The following PRKCH variants were observed in gnomAD, a reference collection of about 807,000 sequenced individuals.
PRKCH encodes the protein protein kinase C eta.
In PRKCH, 28 loss-of-function variants were observed where a neutral mutation model predicts 82.5. The ratio of observed to expected loss-of-function variants is 0.34; its 90% CI spans 0.25 to 0.47. The LOEUF (loss-of-function observed/expected upper bound fraction) is 0.47, where lower values mean the gene tolerates loss of function less well. Ranked by LOEUF, PRKCH falls within the 20% of genes least tolerant of loss-of-function variation. The pLI is 1.00. For synonymous variants in PRKCH, 322 were observed against 327.4 expected, an observed-to-expected ratio of 0.98 and a Z score of 0.18; for missense variants, 705 against 881.8, an observed-to-expected ratio of 0.80 and a Z score of 2.54.
intron 1 of PRKCH, among the ~76,000 whole-genome samples, chr14:61,311,727 G>T (rs1376412501): frequency 1.3e-5 from 2 of 152,210 alleles, no homozygotes; most frequent in African/African-American, 4.8e-5. Flanking sequence ...CACATGGCTG[G>T]GGAGACCTCA....
intron 2 of PRKCH, among the ~76,000 whole-genome samples, chr14:61,431,698 G>T (rs745450768): frequency 1.8e-4 from 27 of 152,244 alleles, no homozygotes; most frequent in Middle Eastern, 3.4e-3. Context: ...AGTAAATGCT[G>T]TTTGTTGGTT....
chr14:61,323,809 A>G (rs1389325223), intron 1 of PRKCH, among the ~76,000 whole-genome samples: 1 of 152,242 alleles, frequency 6.6e-6, no homozygotes, highest in African/African-American at 2.4e-5. Context: ...ATTTACATTT[A>G]TCCTGTGAAT....
At chr14:61,420,836 A>G (rs1882800221) in intron 2 of PRKCH, among the ~76,000 whole-genome samples, 1 of 152,120 alleles carries the variant, frequency 6.6e-6, no homozygotes, top group Non-Finnish European at 1.5e-5. Context: ...GTCAGTTGCA[A>G]TATCTCTCTA....
At chr14:61,314,408 A>G (rs2045546436) in intron 1 of PRKCH, among the ~76,000 whole-genome samples, 1 of 152,214 alleles carries the variant, frequency 6.6e-6, no homozygotes, top group Non-Finnish European at 1.5e-5. Flanking sequence ...TTAGCCATAG[A>G]AGAGATTTGT....
At chr14:61,371,565 T>A (rs1594954491) in intron 1 of PRKCH, among the ~76,000 whole-genome samples, 1 of 152,052 alleles carries the variant, frequency 6.6e-6, no homozygotes, top group Non-Finnish European at 1.5e-5. Flanking sequence ...TCAAGGGTTT[T>A]GGGAGGAAGA....
chr14:61,485,957 G>A (rs963766944), intron 10 of PRKCH, among the ~76,000 whole-genome samples: 8 of 152,074 alleles, frequency 5.3e-5, no homozygotes, highest in African/African-American at 1.9e-4. Flanking sequence ...TGTAGAGACA[G>A]GGGTCTTGCA....
intron 1 of PRKCH, among the ~76,000 whole-genome samples, chr14:61,214,420 G>A (rs1243896889): frequency 6.6e-6 from 1 of 151,892 alleles, no homozygotes; most frequent in Non-Finnish European, 1.5e-5. Flanking sequence ...GCTGTATGAG[G>A]ACCCTCTACA....
chr14:61,335,190 G>C (rs1026249265), intron 1 of PRKCH, among the ~76,000 whole-genome samples: 1 of 152,078 alleles, frequency 6.6e-6, no homozygotes, highest in Non-Finnish European at 1.5e-5. Flanking sequence ...GAGGGTGGTG[G>C]TATGAAAGTT....
chr14:61,217,292 C>T (rs980364772), intron 1 of PRKCH, among the ~76,000 whole-genome samples: 1 of 151,962 alleles, frequency 6.6e-6, no homozygotes, highest in African/African-American at 2.4e-5. Context: ...ACAGGGGAGG[C>T]TAAGGCAGGA....
chr14:61,518,628 C>A lies in PRKCH; in HGVS notation c.1434-10447C>A, dbSNP rs141214815. 7.7e-3 allele frequency among the ~76,000 whole-genome samples: 1,169 copies of A among 152,086 alleles called. 18 individuals are homozygous for A. The highest frequency in any genetic ancestry group is 0.027 in the African/African-American group (1,110 of 41,474). Reference sequence around the variant, plus strand: ...TTGGGTATTTTTTTCTACCGTGAGACAAAGTGAGGGGAAATCTCTGAGTCC... The same window carrying A: ...TTGGGTATTTTTTTCTACCGTGAGAAAAAGTGAGGGGAAATCTCTGAGTCC... On this transcript the variant is annotated intron_variant, in intron 10 of 13. Transcript: ENST00000332981.
intron 1 of PRKCH, chr14:61,322,891 T>G: frequency 5.7e-6 from 1 of 175,594 alleles, no homozygotes; most frequent in Non-Finnish European, 1.2e-5. Context: ...TTCTCGCGAG[T>G]ATTATTCATA....
chr14:61,294,800 AT>A (rs556104105), intron 1 of PRKCH, among the ~76,000 whole-genome samples: 43 of 152,260 alleles, frequency 2.8e-4, no homozygotes, highest in African/African-American at 9.6e-4. Flanking sequence ...CGCAAAAAAA[AT>A]ATCAGTATAT....
chr14:61,244,558 C>A (rs2044864948), intron 1 of PRKCH, among the ~76,000 whole-genome samples: 1 of 152,202 alleles, frequency 6.6e-6, no homozygotes, highest in Non-Finnish European at 1.5e-5. Context: ...ATGCCCCTCT[C>A]TAGTGCTCCT....
At chr14:61,413,135 T>C (rs1882356381) in intron 2 of PRKCH, among the ~76,000 whole-genome samples, 1 of 152,216 alleles carries the variant, frequency 6.6e-6, no homozygotes, top group African/African-American at 2.4e-5. Context: ...GACAAACGTT[T>C]TGTATCTGCG....
chr14:61,497,481 C>T (rs1017243461), intron 10 of PRKCH, among the ~76,000 whole-genome samples: 5 of 152,134 alleles, frequency 3.3e-5, no homozygotes, highest in African/African-American at 7.2e-5. Context: ...GTTCCAGTGA[C>T]GGGTATTGGT....
intron 9 of PRKCH, among the ~76,000 whole-genome samples, chr14:61,482,199 G>A (rs1886008934): frequency 6.6e-6 from 1 of 151,944 alleles, no homozygotes; most frequent in African/African-American, 2.4e-5. Flanking sequence ...GTTTCACCAC[G>A]TTGCCCAGGC....
intron 1 of PRKCH, among the ~76,000 whole-genome samples, chr14:61,213,055 A>G (rs2044593639): frequency 6.6e-6 from 1 of 152,114 alleles, no homozygotes; most frequent in Non-Finnish European, 1.5e-5. Flanking sequence ...AGGGGTGGGT[A>G]GAGAAAAACA....
At chr14:61,335,162 G>A (rs899283665) in intron 1 of PRKCH, among the ~76,000 whole-genome samples, 1 of 152,122 alleles carries the variant, frequency 6.6e-6, no homozygotes, top group African/African-American at 2.4e-5. Context: ...GACACCCACA[G>A]GGTTGCCTCT....
chr14:61,502,381 G>A (rs1318360848), intron 10 of PRKCH, among the ~76,000 whole-genome samples: 1 of 152,042 alleles, frequency 6.6e-6, no homozygotes, highest in Non-Finnish European at 1.5e-5. Flanking sequence ...TTTATCAGAA[G>A]GGTCTATGGG....
Sources: allele counts gnomAD v4.1 joint callset (sites outside exome capture counted in the v4.1 genomes callset), GRCh38; gene constraint gnomAD v4.1.1; transcripts MANE v1.5; gene names NCBI Gene and HGNC (gene_info 2026-07-23, HGNC 2026-07-21).